CACNA2D3: variants seen among roughly 807,000 people sequenced by gnomAD.
The protein encoded by CACNA2D3 is voltage-dependent calcium channel subunit alpha-2/delta-3.
A neutral mutation model predicts 160.6 loss-of-function variants in CACNA2D3; 60 were observed. That is an observed-to-expected ratio of 0.37 (90% CI 0.30 to 0.46). The LOEUF is 0.46. Among genes scored for constraint, CACNA2D3 ranks in the 20% least tolerant of loss-of-function variants. The pLI is 1.00. For synonymous variants in CACNA2D3, 558 were observed against 492.9 expected (o/e 1.13, Z -1.75); for missense variants, 1,205 against 1,365.0 (o/e 0.88, Z 1.85).
chr3:55,069,884 C>T (rs889821229), intron 35 of CACNA2D3, among the ~76,000 whole-genome samples: 1 of 152,136 alleles, frequency 6.6e-6, no homozygotes, highest in Non-Finnish European at 1.5e-5. Context: ...AAAATGCTCC[C>T]GTATCTTACA....
chr3:54,425,166 C>G lies in CACNA2D3; in HGVS notation c.381+38392C>G, dbSNP rs567501391. 4.6e-5 allele frequency among the ~76,000 whole-genome samples: 7 copies of G among 152,214 alleles called. No individual in the cohort carries two copies. The South Asian group carries it at 1.4e-3, about 32-fold the overall frequency. On this transcript the variant is annotated intron_variant, in intron 4 of 37. Coordinates refer to ENST00000474759, the MANE Select transcript of CACNA2D3 (RefSeq NM_018398.3). Reference sequence around the variant, plus strand: ...CCAGTGTGGTGAAACCCCGCCTTTACTAAAAATACAAAAAAATTAGCCAGG... The same window carrying G: ...CCAGTGTGGTGAAACCCCGCCTTTAGTAAAAATACAAAAAAATTAGCCAGG...
intron 2 of CACNA2D3, among the ~76,000 whole-genome samples, chr3:54,136,980 T>C (rs1449241295): frequency 6.6e-6 from 1 of 152,192 alleles, no homozygotes; most frequent in South Asian, 2.1e-4. Flanking sequence ...ATTCCCTCCC[T>C]TCCATTCTGG....
At chr3:54,242,475 A>G (rs1303037394) in intron 2 of CACNA2D3, among the ~76,000 whole-genome samples, 1 of 152,158 alleles carries the variant, frequency 6.6e-6, no homozygotes, top group Non-Finnish European at 1.5e-5. Context: ...AATAAAATAA[A>G]TAGAATAAAA....
chr3:54,651,752 C>T (rs1241974852), intron 11 of CACNA2D3, among the ~76,000 whole-genome samples: 3 of 152,052 alleles, frequency 2.0e-5, no homozygotes, highest in Admixed American at 6.6e-5. Flanking sequence ...CAGTGGCCTC[C>T]GGGGTGCTGA....
At chr3:54,260,270 G>A (rs960821595) in intron 2 of CACNA2D3, among the ~76,000 whole-genome samples, 1 of 152,104 alleles carries the variant, frequency 6.6e-6, no homozygotes, top group Admixed American at 6.6e-5. Context: ...CCAAGGATGT[G>A]TCTCTGTCTT....
intron 2 of CACNA2D3, among the ~76,000 whole-genome samples, chr3:54,307,002 C>T (rs781370077): frequency 1.4e-4 from 22 of 152,070 alleles, no homozygotes; most frequent in Admixed American, 3.9e-4. Context: ...TCAAAGAAAC[C>T]AAGAAGTGGC....
chr3:54,780,441 T>C (rs547446393), intron 13 of CACNA2D3, among the ~76,000 whole-genome samples: 8 of 152,240 alleles, frequency 5.3e-5, no homozygotes, highest in South Asian at 2.1e-4. Context: ...TTGGGTCTGA[T>C]GGAAAAGTTC....
At position 54,576,234 on chromosome 3, in the gene CACNA2D3, G is replaced by T. The variant is rs373184714; in HGVS notation, c.889-5569G>T. ...CAAGTTCAGCTTCTGACATTAGGTG[G>T]GTTCCTCACTGTTATCCAGAGCCCA... On this transcript the variant is annotated intron_variant, in intron 8 of 37. Transcript: ENST00000474759. 1.8e-4 allele frequency among the ~76,000 whole-genome samples: 27 copies of T among 152,226 alleles called. 1 individual carries two copies. Among genetic ancestry groups the T allele is most frequent in the African/African-American group, 6.5e-4 (27 of 41,546 alleles).
intron 5 of CACNA2D3, among the ~76,000 whole-genome samples, chr3:54,527,403 G>T (rs1314453084): frequency 6.6e-6 from 1 of 152,170 alleles, no homozygotes; most frequent in Non-Finnish European, 1.5e-5. Context: ...TTTTGGAGCT[G>T]GGGGTGGGGA....
chr3:54,423,993 G>A (rs1699876334), intron 4 of CACNA2D3, among the ~76,000 whole-genome samples: 1 of 151,890 alleles, frequency 6.6e-6, no homozygotes, highest in Non-Finnish European at 1.5e-5. Flanking sequence ...CTGTGGTCAA[G>A]GGAGCACAGC....
At chr3:55,000,656 C>A (rs1453922130) in intron 31 of CACNA2D3, among the ~76,000 whole-genome samples, 2 of 152,170 alleles carry the variant, frequency 1.3e-5, no homozygotes, top group Admixed American at 1.3e-4. Context: ...TAAACTAGAG[C>A]CTTTGAAAAT....
At chr3:54,708,273 T>C (rs1414447533) in intron 11 of CACNA2D3, among the ~76,000 whole-genome samples, 5 of 152,216 alleles carry the variant, frequency 3.3e-5, no homozygotes, top group Non-Finnish European at 7.3e-5. Flanking sequence ...TCACATGATA[T>C]ATACAAAGGT....
At chr3:54,442,974 C>T (rs747055817) in intron 4 of CACNA2D3, among the ~76,000 whole-genome samples, 1 of 152,112 alleles carries the variant, frequency 6.6e-6, no homozygotes. Context: ...GAATTTATGC[C>T]CCACATCTCC....
chr3:54,810,105 C>G (rs569823860), intron 13 of CACNA2D3, among the ~76,000 whole-genome samples: 2 of 152,206 alleles, frequency 1.3e-5, no homozygotes, highest in East Asian at 1.9e-4. Context: ...GTGGGGTAGT[C>G]AGAGAATTGA....
intron 2 of CACNA2D3, among the ~76,000 whole-genome samples, chr3:54,288,038 C>T (rs962898870): frequency 1.9e-4 from 29 of 152,040 alleles, no homozygotes; most frequent in Admixed American, 4.6e-4. Flanking sequence ...CAAACACATT[C>T]AAAAGCTAGC....
intron 27 of CACNA2D3, among the ~76,000 whole-genome samples, chr3:54,909,262 T>G (rs770917082): frequency 1.8e-4 from 28 of 152,212 alleles, no homozygotes; most frequent in Non-Finnish European, 3.7e-4. Context: ...GCATAATGCT[T>G]GGTAGAACAT....
At chr3:54,358,798 G>A (rs1031795748) in intron 3 of CACNA2D3, among the ~76,000 whole-genome samples, 2 of 152,162 alleles carry the variant, frequency 1.3e-5, no homozygotes, top group African/African-American at 4.8e-5. Flanking sequence ...CCAGTATTCA[G>A]TTACTAAAAG....
At chr3:54,287,690 A>T (rs1299202189) in intron 2 of CACNA2D3, among the ~76,000 whole-genome samples, 1 of 145,206 alleles carries the variant, frequency 6.9e-6, no homozygotes, top group Non-Finnish European at 1.5e-5. Flanking sequence ...AGCTCTCCTC[A>T]GCAAATGTAA....
intron 13 of CACNA2D3, among the ~76,000 whole-genome samples, chr3:54,803,929 C>A (rs1264401220): frequency 6.6e-6 from 1 of 152,088 alleles, no homozygotes; most frequent in African/African-American, 2.4e-5. Context: ...GAATTTTCAA[C>A]CCAGAATTTC....
Sources: allele counts gnomAD v4.1 joint callset (sites outside exome capture counted in the v4.1 genomes callset), GRCh38; gene constraint gnomAD v4.1.1; transcripts MANE v1.5; gene names NCBI Gene and HGNC (gene_info 2026-07-23, HGNC 2026-07-21).